Variants in IL1RAPL1 observed in about 807,000 individuals in gnomAD.
IL1RAPL1 encodes the protein interleukin 1 receptor accessory protein like 1, also known as interleukin-1 receptor accessory protein-like 1.
IL1RAPL1 carries 3 observed loss-of-function variants against 48.4 expected under a neutral mutation model. The observed-to-expected ratio is 0.06, with a 90% CI of 0.03 to 0.16. The LOEUF is 0.16. Ranked by LOEUF, IL1RAPL1 falls within the 10% of genes least tolerant of loss-of-function variation. IL1RAPL1 has a pLI of 1.00. For missense variants in IL1RAPL1, 349 were observed against 530.6 expected, an observed-to-expected ratio of 0.66 and a Z score of 3.36; for synonymous variants, 185 against 187.7, an observed-to-expected ratio of 0.99 and a Z score of 0.12.
intron 2 of IL1RAPL1, among the ~76,000 whole-genome samples, chrX:29,238,040 G>A (rs886098253): frequency 1.8e-5 from 2 of 111,519 alleles, no homozygotes; most frequent in South Asian, 3.9e-4. Flanking sequence ...GTGATGTGGC[G>A]CCTTCCCTAT....
At chrX:29,790,359 C>A (rs774360056) in intron 6 of IL1RAPL1, among the ~76,000 whole-genome samples, 1 of 111,201 alleles carries the variant, frequency 9.0e-6, no homozygotes, top group Non-Finnish European at 1.9e-5. Flanking sequence ...ATTCTTATTG[C>A]GAACTATAAA....
intron 1 of IL1RAPL1, among the ~76,000 whole-genome samples, chrX:28,708,703 C>T (rs1935404111): frequency 9.0e-6 from 1 of 111,075 alleles, no homozygotes; most frequent in Non-Finnish European, 1.9e-5. Context: ...AGAAGACAGG[C>T]ATAAAAAGAC....
At chrX:28,755,150 C>T (rs1039028963) in intron 1 of IL1RAPL1, among the ~76,000 whole-genome samples, 1 of 111,229 alleles carries the variant, frequency 9.0e-6, no homozygotes, top group African/African-American at 3.3e-5. Flanking sequence ...CCTGCCACCA[C>T]GCCCAGCTAA....
At chrX:29,204,263 G>C (rs1403091291) in intron 2 of IL1RAPL1, among the ~76,000 whole-genome samples, 2 of 111,888 alleles carry the variant, frequency 1.8e-5, no homozygotes, top group Non-Finnish European at 3.8e-5. Context: ...TCATATGGTA[G>C]TTCTATTTTT....
intron 1 of IL1RAPL1, among the ~76,000 whole-genome samples, chrX:28,696,208 C>G (rs1365868385): frequency 9.0e-6 from 1 of 111,025 alleles, no homozygotes; most frequent in East Asian, 2.8e-4. Flanking sequence ...TTGATGCAAA[C>G]CAGCCATCCC....
chrX:28,873,106 C>CTTTTTTTTTT (rs764591682), intron 2 of IL1RAPL1, among the ~76,000 whole-genome samples: 2 of 64,990 alleles, frequency 3.1e-5, no homozygotes, highest in Non-Finnish European at 5.2e-5. Flanking sequence ...TTTTTTTTCA[C>CTTTTTTTTTT]TTTTTTTTTT....
At chrX:29,789,614 G>A (rs1205348129) in intron 6 of IL1RAPL1, among the ~76,000 whole-genome samples, 1 of 110,565 alleles carries the variant, frequency 9.0e-6, no homozygotes, top group Admixed American at 9.7e-5. Flanking sequence ...AGAGTTTGAA[G>A]TAAAACAAGT....
chrX:29,918,144 A>AAAAAAAAAAAAAAATAT (rs1555935868), intron 7 of IL1RAPL1, among the ~76,000 whole-genome samples: 4 of 23,767 alleles, frequency 1.7e-4, no homozygotes, highest in Non-Finnish European at 2.6e-4. Flanking sequence ...AAAAAAAAAA[A>AAAAAAAAAAAAAAATAT]ATATATATAT....
At chrX:29,854,895 GCACACA>G (rs202098400) in intron 6 of IL1RAPL1, among the ~76,000 whole-genome samples, 1 of 105,342 alleles carries the variant, frequency 9.5e-6, no homozygotes, top group African/African-American at 3.5e-5. Flanking sequence ...TGACCAAATA[GCACACA>G]CACACACACA....
In IL1RAPL1 at chrX:28,862,320, A is replaced by G. The variant is rs1252394290; in HGVS notation, c.82+72895A>G. Among the ~76,000 whole-genome samples the G allele has an allele frequency of 3.6e-5, 4 of 111,975 alleles. No individual in the cohort carries two copies. The Admixed American group carries it at 3.8e-4, about 11-fold the overall frequency. On this transcript the variant is annotated intron_variant, in intron 2 of 10. Coordinates refer to ENST00000378993, the MANE Select transcript of IL1RAPL1 (RefSeq NM_014271.4). ...TTCTGAAGTCTTTTACTGTACTAGT[A>G]ATTTTTTTCTTTGCAGAAACTAAAG...
intron 2 of IL1RAPL1, among the ~76,000 whole-genome samples, chrX:28,911,640 T>TTA (rs1424413093): frequency 1.1e-4 from 12 of 111,337 alleles, no homozygotes; most frequent in Non-Finnish European, 1.9e-4. Context: ...TTTAATGGTG[T>TTA]TATCTGTCAC....
chrX:28,969,864 C>T (rs897331246), intron 2 of IL1RAPL1, among the ~76,000 whole-genome samples: 2 of 97,967 alleles, frequency 2.0e-5, no homozygotes, highest in Admixed American at 1.2e-4. Context: ...TTTCTAAACA[C>T]ATATATATAT....
intron 2 of IL1RAPL1, among the ~76,000 whole-genome samples, chrX:28,864,083 C>A (rs1922019295): frequency 9.0e-6 from 1 of 111,546 alleles, no homozygotes; most frequent in Non-Finnish European, 1.9e-5. Context: ...TTTATTTTAC[C>A]AGATTTTTAG....
intron 5 of IL1RAPL1, among the ~76,000 whole-genome samples, chrX:29,460,728 A>G (rs1319213985): frequency 2.7e-5 from 3 of 112,241 alleles, no homozygotes; most frequent in Non-Finnish European, 3.8e-5. Context: ...CTTGCCAGAC[A>G]TAAATAACTG....
chrX:28,839,478 A>G (rs1921310244), intron 2 of IL1RAPL1, among the ~76,000 whole-genome samples: 1 of 110,883 alleles, frequency 9.0e-6, no homozygotes, highest in South Asian at 3.7e-4. Flanking sequence ...GAAACAAAAT[A>G]TAAGTAATTG....
At chrX:29,361,174 G>A in intron 3 of IL1RAPL1, among the ~76,000 whole-genome samples, 2 of 111,776 alleles carry the variant, frequency 1.8e-5, no homozygotes, top group Admixed American at 1.9e-4. Context: ...TGCAGGGAGG[G>A]TACAGATGGA....
chrX:29,376,313 T>G (rs1288092799), intron 3 of IL1RAPL1, among the ~76,000 whole-genome samples: 2 of 111,438 alleles, frequency 1.8e-5, no homozygotes, highest in Non-Finnish European at 3.8e-5. Flanking sequence ...CTGCCTTCAT[T>G]TCAGTGTTCA....
intron 6 of IL1RAPL1, among the ~76,000 whole-genome samples, chrX:29,778,573 C>G (rs1169740477): frequency 1.8e-5 from 2 of 112,030 alleles, no homozygotes; most frequent in African/African-American, 6.5e-5. Flanking sequence ...CACCCTGTCT[C>G]TTTTTCTTTC....
intron 5 of IL1RAPL1, among the ~76,000 whole-genome samples, chrX:29,475,836 T>C (rs764645937): frequency 2.8e-5 from 3 of 108,328 alleles, no homozygotes; most frequent in Non-Finnish European, 5.8e-5. Flanking sequence ...GTTATGAAGT[T>C]TTTTTTTTTT....
Sources: allele counts gnomAD v4.1 joint callset (sites outside exome capture counted in the v4.1 genomes callset), GRCh38; gene constraint gnomAD v4.1.1; transcripts MANE v1.5; gene names NCBI Gene and HGNC (gene_info 2026-07-23, HGNC 2026-07-21).